The following HS3ST3A1 variants were observed in gnomAD, a reference collection of about 807,000 sequenced individuals.
The protein encoded by HS3ST3A1 is heparan sulfate glucosamine 3-O-sulfotransferase 3A1.
Under a neutral mutation model 25.7 loss-of-function variants are expected in HS3ST3A1, and 19 were observed. That is an observed-to-expected ratio of 0.74 (90% CI 0.52 to 1.08). The LOEUF (loss-of-function observed/expected upper bound fraction) is 1.08, where lower values mean the gene tolerates loss of function less well. Ranked by LOEUF, HS3ST3A1 falls within the 50% of genes least tolerant of loss-of-function variation. HS3ST3A1 has a pLI of 0.00. For missense variants in HS3ST3A1, 459 were observed against 594.3 expected, an observed-to-expected ratio of 0.77 and a Z score of 2.37; for synonymous variants, 226 against 278.6, an observed-to-expected ratio of 0.81 and a Z score of 1.88.
intron 1 of HS3ST3A1, among the ~76,000 whole-genome samples, chr17:13,582,372 T>A (rs1908138755): frequency 6.6e-6 from 1 of 152,224 alleles, no homozygotes; most frequent in African/African-American, 2.4e-5. Flanking sequence ...AATATCCAGT[T>A]ATTATTTGGT....
At chr17:13,533,907 G>A (rs1371499716) in intron 1 of HS3ST3A1, among the ~76,000 whole-genome samples, 3 of 152,192 alleles carry the variant, frequency 2.0e-5, no homozygotes, top group Non-Finnish European at 4.4e-5. Flanking sequence ...TTTCACAGAT[G>A]TCTCAGAGAA....
At chr17:13,557,071 ACAACAAACTTC>A (rs1345995281) in intron 1 of HS3ST3A1, among the ~76,000 whole-genome samples, 1 of 152,200 alleles carries the variant, frequency 6.6e-6, no homozygotes, top group Admixed American at 6.5e-5. Context: ...ACAAATGAGA[ACAACAAACTTC>A]CAACAAACAA....
intron 1 of HS3ST3A1, among the ~76,000 whole-genome samples, chr17:13,506,125 A>C (rs539422330): frequency 4.7e-5 from 7 of 148,446 alleles, no homozygotes; most frequent in Admixed American, 2.0e-4. Context: ...TGAGGTTTCT[A>C]ATGGAGACAA....
At chr17:13,497,988 A>G (rs1395552346) in intron 1 of HS3ST3A1, among the ~76,000 whole-genome samples, 1 of 152,208 alleles carries the variant, frequency 6.6e-6, no homozygotes, top group Non-Finnish European at 1.5e-5. Flanking sequence ...TATCTGGGCT[A>G]ACTATATTTT....
intron 1 of HS3ST3A1, among the ~76,000 whole-genome samples, chr17:13,579,574 AC>A (rs1908045628): frequency 1.3e-5 from 2 of 151,466 alleles, no homozygotes; most frequent in African/African-American, 2.4e-5. Context: ...GGTGGCGCAT[AC>A]CTGTAATCCC....
rs1906337096 is a variant in HS3ST3A1, at chr17:13,524,162, C to T, written c.600-27344G>A. Reference sequence around the variant, plus strand: ...CACTCACAGAGTATGAGTTTGTGGCCAAGTATATACACATTTTACAAATAC... The same window carrying T: ...CACTCACAGAGTATGAGTTTGTGGCTAAGTATATACACATTTTACAAATAC... On this transcript the variant is annotated intron_variant, in intron 1 of 1. Transcript: ENST00000284110. Among the ~76,000 whole-genome samples, 2 of 151,964 alleles carry T rather than the reference C, an allele frequency of 1.3e-5. 1 individual carries two copies. The highest frequency in any genetic ancestry group is 4.2e-4 in the South Asian group (2 of 4,816).
chr17:13,513,570 A>G (rs1290062488), intron 1 of HS3ST3A1, among the ~76,000 whole-genome samples: 3 of 152,240 alleles, frequency 2.0e-5, no homozygotes, highest in Non-Finnish European at 2.9e-5. Context: ...CTTTATGTTA[A>G]TAACTTATTT....
intron 1 of HS3ST3A1, among the ~76,000 whole-genome samples, chr17:13,582,190 G>C (rs1908132381): frequency 6.6e-6 from 1 of 152,038 alleles, no homozygotes; most frequent in Admixed American, 6.5e-5. Flanking sequence ...TCAAATCTGA[G>C]TTCAATAGTT....
chr17:13,516,262 A>C (rs1348401000), intron 1 of HS3ST3A1, among the ~76,000 whole-genome samples: 1 of 152,140 alleles, frequency 6.6e-6, no homozygotes, highest in Non-Finnish European at 1.5e-5. Context: ...GTGAGCAGAG[A>C]TTGCATCATT....
intron 1 of HS3ST3A1, among the ~76,000 whole-genome samples, chr17:13,497,411 G>A (rs1208276241): frequency 1.3e-5 from 2 of 152,130 alleles, no homozygotes; most frequent in Non-Finnish European, 2.9e-5. Flanking sequence ...TAAATATGTT[G>A]ATTCCTTTCT....
At position 13,513,219 on chromosome 17, in the gene HS3ST3A1, G is replaced by A. The variant is rs1254831179; in HGVS notation, c.600-16401C>T. ...TCAGGAGCTAAACTTTCCAGATGAG[G>A]CACTTCACGCGGACTAGGTGGCTCC... On this transcript the variant is annotated intron_variant, in intron 1 of 1. Transcript: ENST00000284110. Among the ~76,000 whole-genome samples the A allele has an allele frequency of 2.6e-5, 4 of 152,110 alleles. No homozygotes were observed. In the East Asian group the frequency reaches 7.7e-4, roughly 29 times the overall value.
chr17:13,504,913 G>C (rs1325659681), intron 1 of HS3ST3A1, among the ~76,000 whole-genome samples: 1 of 152,176 alleles, frequency 6.6e-6, no homozygotes, highest in East Asian at 1.9e-4. Flanking sequence ...GTAACCTGGA[G>C]GATGTGTTTC....
chr17:13,588,366 G>A (rs1908332918), intron 1 of HS3ST3A1, among the ~76,000 whole-genome samples: 2 of 152,052 alleles, frequency 1.3e-5, no homozygotes, highest in African/African-American at 4.8e-5. Context: ...ACAGTTCCAA[G>A]CCATGGGCAT....
chr17:13,562,272 C>G (rs773547478), intron 1 of HS3ST3A1, among the ~76,000 whole-genome samples: 30 of 152,070 alleles, frequency 2.0e-4, no homozygotes, highest in Non-Finnish European at 4.1e-4. Flanking sequence ...GAGTCAGACA[C>G]AGTCATGGTC....
intron 1 of HS3ST3A1, among the ~76,000 whole-genome samples, chr17:13,596,479 T>C (rs910925414): frequency 7.9e-5 from 12 of 151,634 alleles, no homozygotes; most frequent in African/African-American, 2.9e-4. Flanking sequence ...CTTGCACTTC[T>C]GGTTGTCTAT....
chr17:13,560,443 A>C (rs1907510099), intron 1 of HS3ST3A1, among the ~76,000 whole-genome samples: 1 of 151,944 alleles, frequency 6.6e-6, no homozygotes, highest in Non-Finnish European at 1.5e-5. Flanking sequence ...ACATCATGAC[A>C]TCTCACCTCA....
At chr17:13,562,400 C>T (rs1349878636) in intron 1 of HS3ST3A1, among the ~76,000 whole-genome samples, 1 of 152,178 alleles carries the variant, frequency 6.6e-6, no homozygotes, top group Non-Finnish European at 1.5e-5. Flanking sequence ...AGTGTGGCTG[C>T]TCGGGCACAC....
At chr17:13,515,254 G>C (rs961315698) in intron 1 of HS3ST3A1, among the ~76,000 whole-genome samples, 19 of 152,268 alleles carry the variant, frequency 1.2e-4, no homozygotes, top group African/African-American at 4.3e-4. Flanking sequence ...CCACCTCTTG[G>C]GTTCAGGCGA....
At chr17:13,532,588 T>C (rs1237312308) in intron 1 of HS3ST3A1, among the ~76,000 whole-genome samples, 1 of 148,128 alleles carries the variant, frequency 6.8e-6, no homozygotes, top group Non-Finnish European at 1.5e-5. Context: ...GAAAGGGGAA[T>C]AAAGTGGAGA....
Sources: gnomAD v4.1 joint callset for allele counts (sites outside exome capture counted in the v4.1 genomes callset) on GRCh38, gnomAD v4.1.1 for gene constraint, MANE v1.5 for transcripts, NCBI Gene and HGNC (gene_info 2026-07-23, HGNC 2026-07-21) for gene names.